Variants in UBR3 observed in about 807,000 individuals in gnomAD.
The protein encoded by UBR3 is ubiquitin protein ligase E3 component n-recognin 3, also known as E3 ubiquitin-protein ligase UBR3.
UBR3 carries 85 observed loss-of-function variants against 243.2 expected under a neutral mutation model. The observed-to-expected ratio is 0.35, with a 90% CI of 0.29 to 0.42. UBR3 has a LOEUF of 0.42. Among genes scored for constraint, UBR3 ranks in the 10% least tolerant of loss-of-function variants. The pLI, the probability that UBR3 is intolerant of heterozygous loss-of-function variation, is 1.00. For missense variants in UBR3, 1,686 were observed against 2,300.8 expected (o/e 0.73, Z 5.47); for synonymous variants, 748 against 799.8 (o/e 0.94, Z 1.09).
chr2:170,009,082 G>A (rs2090007903), intron 29 of UBR3, 142 bp downstream of exon 29: 1 of 489,696 alleles, frequency 2.0e-6, no homozygotes, highest in Non-Finnish European at 3.4e-6. Context: ...GTGCCTGCTA[G>A]GATAACTATA....
rs143264551 is a variant in UBR3 at position 169,953,242 on chromosome 2, G to A, written c.3545+3177G>A. ...ACAAGGACTTGAAACTAATTTTGTA[G>A]CAGACAGCTAAGGATTAAGATGACT... is the stretch of plus-strand genomic sequence containing the variant. On this transcript the variant is annotated intron_variant, in intron 23 of 38. Coordinates refer to ENST00000272793, the MANE Select transcript of UBR3 (RefSeq NM_172070.4). Among the ~76,000 whole-genome samples, 1,319 of 152,266 alleles carry A rather than the reference G, an allele frequency of 8.7e-3. 24 individuals are homozygous for A. Among genetic ancestry groups the A allele is most frequent in the African/African-American group, 0.03 (1,252 of 41,538 alleles).
At chr2:169,972,254 C>A (rs1234410394) in intron 24 of UBR3, among the ~76,000 whole-genome samples, 2 of 152,074 alleles carry the variant, frequency 1.3e-5, no homozygotes, top group South Asian at 2.1e-4. Context: ...ACAGGAGCTG[C>A]AATTGTGGCA....
chr2:169,954,317 T>G (rs1382250230), intron 23 of UBR3, among the ~76,000 whole-genome samples: 2 of 152,104 alleles, frequency 1.3e-5, no homozygotes, highest in African/African-American at 4.8e-5. Context: ...CACGGCTCAC[T>G]GCAGCCTTGA....
At chr2:170,071,755 A>C (rs1300774242) in intron 35 of UBR3, among the ~76,000 whole-genome samples, 1 of 152,150 alleles carries the variant, frequency 6.6e-6, no homozygotes, top group East Asian at 1.9e-4. Context: ...TTTGTAGCAT[A>C]TTTCAGAATT....
chr2:169,956,589 G>GT (rs2087309504), intron 23 of UBR3, among the ~76,000 whole-genome samples: 1 of 152,072 alleles, frequency 6.6e-6, no homozygotes, highest in African/African-American at 2.4e-5. Flanking sequence ...AATAAGGCGA[G>GT]TTTTTTATGT....
chr2:169,906,480 C>T (rs2105333993), intron 10 of UBR3, among the ~76,000 whole-genome samples: 1 of 152,064 alleles, frequency 6.6e-6, no homozygotes, highest in Non-Finnish European at 1.5e-5. Flanking sequence ...CTCAATATTA[C>T]ACTTTCAAGA....
intron 5 of UBR3, among the ~76,000 whole-genome samples, chr2:169,886,219 T>A (rs748726018): frequency 1.3e-5 from 2 of 152,106 alleles, no homozygotes; most frequent in Non-Finnish European, 2.9e-5. Context: ...TAATTTGGTA[T>A]CATAAATTAC....
At chr2:170,046,005 C>T (rs75508601) in intron 32 of UBR3, among the ~76,000 whole-genome samples, 8,677 of 141,156 alleles carry the variant, frequency 0.061, 309 homozygotes, top group Non-Finnish European at 0.086. Context: ...GTTTCTCTCT[C>T]GCCTAGGCTG....
At chr2:169,898,926 A>C (rs1292876017) in intron 8 of UBR3, among the ~76,000 whole-genome samples, 2 of 150,894 alleles carry the variant, frequency 1.3e-5, no homozygotes, top group East Asian at 2.0e-4. Flanking sequence ...TGGTCTCGAT[A>C]TCCTAACCTT....
At chr2:170,057,123 T>C (rs957611749) in intron 33 of UBR3, among the ~76,000 whole-genome samples, 9 of 150,638 alleles carry the variant, frequency 6.0e-5, no homozygotes, top group South Asian at 2.1e-4. Flanking sequence ...TTTTTCTTTT[T>C]TTTTTTTTTT....
chr2:170,010,774 T>G (rs2090058663), intron 29 of UBR3, among the ~76,000 whole-genome samples: 1 of 152,166 alleles, frequency 6.6e-6, no homozygotes, highest in Non-Finnish European at 1.5e-5. Flanking sequence ...ATATAACACT[T>G]TAAAACTTTA....
chr2:169,931,469 C>T (rs901534561), intron 18 of UBR3, among the ~76,000 whole-genome samples: 2 of 151,132 alleles, frequency 1.3e-5, no homozygotes, highest in African/African-American at 4.9e-5. Context: ...AGATGAATAG[C>T]TTGTTACATG....
At chr2:169,854,763 T>A (rs1208486960) in intron 1 of UBR3, among the ~76,000 whole-genome samples, 5 of 152,154 alleles carry the variant, frequency 3.3e-5, no homozygotes, top group Non-Finnish European at 4.4e-5. Flanking sequence ...CTAACATAGT[T>A]ATAAAATCTC....
chr2:169,885,207 G>T (rs2084042621), intron 5 of UBR3, among the ~76,000 whole-genome samples: 1 of 152,140 alleles, frequency 6.6e-6, no homozygotes, highest in Non-Finnish European at 1.5e-5. Context: ...TGTAATTTAA[G>T]ATATCATAAA....
At chr2:169,968,756 G>A (rs2087943214) in intron 24 of UBR3, among the ~76,000 whole-genome samples, 1 of 152,050 alleles carries the variant, frequency 6.6e-6, no homozygotes, top group East Asian at 1.9e-4. Context: ...CTTTTCTGAG[G>A]AACCTCCATA....
chr2:169,890,461 G>C (rs1054714173), intron 5 of UBR3, among the ~76,000 whole-genome samples: 1 of 149,958 alleles, frequency 6.7e-6, no homozygotes, highest in African/African-American at 2.5e-5. Context: ...TAGGTTGTGA[G>C]TGTCCATCCC....
chr2:169,896,473 A>G (rs2084598553), intron 7 of UBR3, 34 bp from the exon 8 acceptor site: 2 of 1,295,872 alleles, frequency 1.5e-6, no homozygotes, highest in Admixed American at 2.9e-5. Flanking sequence ...ATTAAAACTA[A>G]TGTGTTTTTT....
chr2:169,994,255 T>C, intron 25 of UBR3, 68 bp from the exon 26 acceptor site: 3 of 1,525,166 alleles, frequency 2.0e-6, no homozygotes, highest in Non-Finnish European at 2.7e-6. Context: ...ATAACTCAGC[T>C]TTTCTTGGAG....
At chr2:169,977,544 G>T (rs575707157) in intron 24 of UBR3, among the ~76,000 whole-genome samples, 21 of 152,274 alleles carry the variant, frequency 1.4e-4, no homozygotes, top group African/African-American at 5.1e-4. Flanking sequence ...AAAGGCCAAA[G>T]AACCTGTGTC....
Sources: gnomAD v4.1 joint callset for allele counts (sites outside exome capture counted in the v4.1 genomes callset) on GRCh38, gnomAD v4.1.1 for gene constraint, MANE v1.5 for transcripts, NCBI Gene and HGNC (gene_info 2026-07-23, HGNC 2026-07-21) for gene names.